Variants in UQCRQ observed in about 807,000 individuals in gnomAD.
The protein encoded by UQCRQ is ubiquinol-cytochrome c reductase complex III subunit VII, also known as cytochrome b-c1 complex subunit 8.
In UQCRQ, 9 loss-of-function variants were observed where a neutral mutation model predicts 7.9. The observed-to-expected ratio is 1.13, with a 90% CI of 0.68 to 1.98. The LOEUF (loss-of-function observed/expected upper bound fraction) is 1.98, where lower values mean the gene tolerates loss of function less well. UQCRQ is among the 30% of genes most tolerant of loss of function. UQCRQ has a pLI of 0.00. For synonymous variants in UQCRQ, 50 were observed against 41.9 expected, an observed-to-expected ratio of 1.19 and a Z score of -0.75; for missense variants, 112 against 109.7, an observed-to-expected ratio of 1.02 and a Z score of -0.10.
intron 2 of UQCRQ, 54 bp from the exon 3 acceptor site, chr5:132,867,434 T>A: frequency 6.9e-7 from 1 of 1,444,802 alleles, no homozygotes; most frequent in African/African-American, 1.4e-5. Flanking sequence ...ACCTTTTTTT[T>A]TCTTCTATAT....
Position 132,866,706 on chromosome 5 carries a change from G to A in UQCRQ, c.-14+19G>A. The stretch of plus-strand genomic sequence containing the variant: ...GAGCCCTGTGCGTGAGTGGGGTCTG[G>A]TTGTGCAGTGTTCGTGGACCCTGGG... On this transcript the variant is annotated intron_variant, in intron 1 of 2. Transcript: ENST00000378670. 2 of 745,976 alleles carry A rather than the reference G, an allele frequency of 2.7e-6. No homozygotes were observed. The highest frequency in any genetic ancestry group is 2.2e-6 in the Non-Finnish European group (1 of 458,286). The allele number at this position is 745,976 out of a possible 1,614,324, so 46.2% of individuals were successfully genotyped here.
In UQCRQ at chr5:132,867,565, T is replaced by C; in HGVS notation, c.232T>C (p.Tyr78His). 1.9e-6 allele frequency: 3 copies of C among 1,614,110 alleles called. No homozygotes were observed. The highest frequency in any genetic ancestry group is 2.5e-6 in the Non-Finnish European group (3 of 1,179,938). Residue 78 changes from tyrosine to histidine, a missense_variant, in exon 3 of 3, where the codon TAT (tyrosine) becomes CAT (histidine). Transcript: ENST00000378670. ...ERSKRKNPAAYENDK is the reference protein window; with the variant it reads ...ERSKRKNPAAHENDK ...ATCCAAGAGGAAGAATCCAGCTGCC[T>C]ATGAAAATGACAAATGAGCAACGCA...
chr5:132,867,606 CCT>C lies in UQCRQ; in HGVS notation c.*25_*26del, dbSNP rs1247416031. 6.3e-7 allele frequency: 1 copy of C among 1,598,584 alleles called. No individual in the cohort carries two copies. Among genetic ancestry groups the C allele is most frequent in the South Asian group, 1.1e-5 (1 of 90,490 alleles). ...GAGCAACGCATCCGGATGACGGTTC[CCT>C]GTCTCTGAAAGACCTTTCTCTGGAA... is the stretch of plus-strand genomic sequence containing the variant. On this transcript the variant is annotated 3_prime_UTR_variant, in exon 3 of 3. Transcript: ENST00000378670.
chr5:132,867,236 C>G, intron 2 of UQCRQ: 1 of 791,248 alleles, frequency 1.3e-6, no homozygotes, highest in Non-Finnish European at 2.0e-6. Flanking sequence ...AGCTACAGAA[C>G]TGAAATGACT....
chr5:132,867,477 A>C lies in UQCRQ; in HGVS notation c.155-11A>C, dbSNP rs771081673. On this transcript the variant is annotated splice_polypyrimidine_tract_variant and intron_variant, in intron 2 of 2. Coordinates refer to ENST00000378670, the MANE Select transcript of UQCRQ (RefSeq NM_014402.5). ...ATGTGTGCTCTCTGTTTACTCTCTT[A>C]ATTTTTAAAGAGTTTGTAGTGTTTT... is the stretch of plus-strand genomic sequence containing the variant. 6.2e-7 allele frequency: 1 copy of C among 1,607,560 alleles called. No homozygotes were observed. The highest frequency in any genetic ancestry group is 8.5e-7 in the Non-Finnish European group (1 of 1,174,322).
intron 2 of UQCRQ, 122 bp downstream of exon 2, chr5:132,867,157 C>A: frequency 7.7e-7 from 1 of 1,298,380 alleles, no homozygotes; most frequent in Non-Finnish European, 1.1e-6. Context: ...ACACACCTTT[C>A]TCATTGAATA....
rs1554072235 is a variant in UQCRQ at position 132,868,721 on chromosome 5, CTT to C, written c.*1140_*1141del. Among the ~76,000 whole-genome samples the C allele has an allele frequency of 6.6e-6, 1 of 150,876 alleles. No individual in the cohort carries two copies. Among genetic ancestry groups the C allele is most frequent in the Non-Finnish European group, 1.5e-5 (1 of 67,668 alleles). ...AGCTATAAAACGGATGAGGTGATCT[CTT>C]AGCCTCCACAGCAGTTTTCTGTTTC... On this transcript the variant is annotated 3_prime_UTR_variant, in exon 3 of 3. Coordinates refer to ENST00000378670, the MANE Select transcript of UQCRQ (RefSeq NM_014402.5).
rs980374287 is a variant in UQCRQ at position 132,866,796 on chromosome 5, G to A, written c.-13-73G>A. Reference sequence around the variant, plus strand: ...GTGCAGGGGCAGGAGTCTGGGGTTGGGGATGGACCCCCGCGGGGACTGCGG... The same window carrying A: ...GTGCAGGGGCAGGAGTCTGGGGTTGAGGATGGACCCCCGCGGGGACTGCGG... On this transcript the variant is annotated intron_variant, in intron 1 of 2. Transcript: ENST00000378670. 3.8e-6 allele frequency: 6 copies of A among 1,576,356 alleles called. No homozygotes were observed. The East Asian group carries it at 1.1e-4, about 30-fold the overall frequency.
intron 1 of UQCRQ, 70 bp from the exon 2 acceptor site, chr5:132,866,799 A>G: frequency 6.3e-7 from 1 of 1,579,564 alleles, no homozygotes; most frequent in South Asian, 1.1e-5. Flanking sequence ...GGGGTTGGGG[A>G]TGGACCCCCG....
Position 132,867,729 on chromosome 5 carries a change from C to T in UQCRQ, c.*147C>T, listed in dbSNP as rs1311072201. On this transcript the variant is annotated 3_prime_UTR_variant, in exon 3 of 3. Transcript: ENST00000378670. ...TTTTTGTGAGTAGAATCCTGTGTGA[C>T]CACTAATATTCAAGTTCATGAAGCG... 1.4e-6 allele frequency: 1 copy of T among 717,498 alleles called. No individual in the cohort carries two copies. The highest frequency in any genetic ancestry group is 2.5e-6 in the Non-Finnish European group (1 of 407,352). 44.4% of individuals were successfully genotyped at this position (717,498 alleles called of 1,614,324 possible).
intron 1 of UQCRQ, 50 bp from the exon 2 acceptor site, chr5:132,866,819 C>T: frequency 5.0e-6 from 8 of 1,599,374 alleles, no homozygotes; most frequent in Non-Finnish European, 6.8e-6. Flanking sequence ...GCGGGGACTG[C>T]GGCGCTTCGC....
rs911050216 is a variant in UQCRQ at position 132,868,651 on chromosome 5, C to T, written c.*1069C>T. Among the ~76,000 whole-genome samples, 5 of 152,168 alleles carry T rather than the reference C, an allele frequency of 3.3e-5. No homozygotes were observed. Among genetic ancestry groups the T allele is most frequent in the Non-Finnish European group, 5.9e-5 (4 of 68,034 alleles). On this transcript the variant is annotated 3_prime_UTR_variant, in exon 3 of 3. Transcript: ENST00000378670. ...AGGACTGCGGTTGGACAAGCTTGCT[C>T]TACTGCCTTTCCTCCTAAGGCAGGC...
intron 1 of UQCRQ, 79 bp from the exon 2 acceptor site, chr5:132,866,790 G>C: frequency 6.4e-7 from 1 of 1,558,922 alleles, no homozygotes; most frequent in Non-Finnish European, 8.7e-7. Flanking sequence ...CAGGAGTCTG[G>C]GGTTGGGGAT....
Position 132,867,033 on chromosome 5 carries a change from C to T in UQCRQ, c.152C>T (p.Pro51Leu). ...RIRESFFRVVPQFVVFYLIYT... is the reference protein window; with the variant it reads ...RIRESFFRVVLQFVVFYLIYT... ...CGGGAGTCTTTCTTTCGCGTGGTGC[C>T]GCGTGAGTGCCTTGGGCCCGCGGGA... is the stretch of plus-strand genomic sequence containing the variant. The change falls in exon 2 of 3, where the codon CCG becomes CTG. Residue 51 changes from proline to leucine, a missense_variant and splice_region_variant. Physicochemically the swap from Pro to Leu is moderately conservative, Grantham distance 98. Transcript: ENST00000378670. The T allele has an allele frequency of 6.2e-7, 1 of 1,613,762 alleles. No homozygotes were observed. Among genetic ancestry groups the T allele is most frequent in the Non-Finnish European group, 8.5e-7 (1 of 1,179,920 alleles).
rs1171331490 is a variant in UQCRQ, at chr5:132,868,701, T to G, written c.*1119T>G. Among the ~76,000 whole-genome samples the G allele has an allele frequency of 6.6e-6, 1 of 152,180 alleles. No individual in the cohort carries two copies. The highest frequency in any genetic ancestry group is 1.5e-5 in the Non-Finnish European group (1 of 68,026). On this transcript the variant is annotated 3_prime_UTR_variant, in exon 3 of 3. Coordinates refer to ENST00000378670, the MANE Select transcript of UQCRQ (RefSeq NM_014402.5). The stretch of plus-strand genomic sequence containing the variant: ...CCTTAGCCTGAGGGGATATCAGCTA[T>G]AAAACGGATGAGGTGATCTCTTAGC...
chr5:132,866,868 G>T lies in UQCRQ; in HGVS notation c.-13-1G>T. ...GCGCCTGTCCACCCTCGGTCCTGCA[G>T]GGCCGCCGCCACAATGGGCCGCGAG... On this transcript the variant is annotated splice_acceptor_variant, in intron 1 of 2. Transcript: ENST00000378670. LOFTEE classifies it low-confidence loss of function (5UTR_SPLICE). The T allele has an allele frequency of 6.2e-7, 1 of 1,612,902 alleles. No individual in the cohort carries two copies. Among genetic ancestry groups the T allele is most frequent in the Non-Finnish European group, 8.5e-7 (1 of 1,179,938 alleles).
Position 132,867,478 on chromosome 5 carries a change from A to G in UQCRQ, c.155-10A>G. On this transcript the variant is annotated splice_polypyrimidine_tract_variant and intron_variant, in intron 2 of 2. Coordinates refer to ENST00000378670, the MANE Select transcript of UQCRQ (RefSeq NM_014402.5). ...TGTGTGCTCTCTGTTTACTCTCTTA[A>G]TTTTTAAAGAGTTTGTAGTGTTTTA... 1 of 1,610,290 alleles carries G rather than the reference A, an allele frequency of 6.2e-7. No individual in the cohort carries two copies. The highest frequency in any genetic ancestry group is 8.5e-7 in the Non-Finnish European group (1 of 1,176,660).
chr5:132,867,717 A>T lies in UQCRQ; in HGVS notation c.*135A>T, dbSNP rs1429494291. 2 of 753,658 alleles carry T rather than the reference A, an allele frequency of 2.7e-6. No homozygotes were observed. The highest frequency in any genetic ancestry group is 5.4e-5 in the East Asian group (2 of 36,872). The allele number at this position is 753,658 out of a possible 1,614,324, so 46.7% of individuals were successfully genotyped here. On this transcript the variant is annotated 3_prime_UTR_variant, in exon 3 of 3. Coordinates refer to ENST00000378670, the MANE Select transcript of UQCRQ (RefSeq NM_014402.5). ...TGTGATATTACATTTTTGTGAGTAG[A>T]ATCCTGTGTGACCACTAATATTCAA...
At chr5:132,867,176 C>A in intron 2 of UQCRQ, 141 bp downstream of exon 2, 1 of 1,113,856 alleles carries the variant, frequency 9.0e-7, no homozygotes, top group South Asian at 1.5e-5. Flanking sequence ...TATTCCTGAC[C>A]GCCCTTAAGC....
Sources: allele counts gnomAD v4.1 joint callset (sites outside exome capture counted in the v4.1 genomes callset), GRCh38; gene constraint gnomAD v4.1.1; transcripts MANE v1.5; gene names NCBI Gene and HGNC (gene_info 2026-07-23, HGNC 2026-07-21).